TGFB2: variants seen among roughly 807,000 people sequenced by gnomAD.
The protein encoded by TGFB2 is transforming growth factor beta 2, also known as transforming growth factor beta-2 proprotein.
Under a neutral mutation model 42.7 loss-of-function variants are expected in TGFB2, and 13 were observed. That is an observed-to-expected ratio of 0.30 (90% CI 0.20 to 0.48). The LOEUF (loss-of-function observed/expected upper bound fraction) is 0.48, where lower values mean the gene tolerates loss of function less well. Ranked by LOEUF, TGFB2 falls within the 20% of genes least tolerant of loss-of-function variation. The probability of loss-of-function intolerance (pLI) is 0.99; values close to 1 mark genes in which losing one functional copy is unlikely to be tolerated. For missense variants in TGFB2, 390 were observed against 517.5 expected (o/e 0.75, Z 2.39); for synonymous variants, 193 against 193.6 (o/e 1.00, Z 0.03).
At chr1:218,401,396 G>A (rs1377399980) in intron 1 of TGFB2, among the ~76,000 whole-genome samples, 3 of 152,056 alleles carry the variant, frequency 2.0e-5, no homozygotes, top group Non-Finnish European at 4.4e-5. Flanking sequence ...TTGAGGTGAG[G>A]GGGACACCAC....
intron 2 of TGFB2, among the ~76,000 whole-genome samples, chr1:218,406,294 G>A (rs532880281): frequency 3.3e-4 from 50 of 151,950 alleles, no homozygotes; most frequent in Non-Finnish European, 4.7e-4. Flanking sequence ...GGGCAGCTGC[G>A]TCAAAATGTA....
intron 2 of TGFB2, among the ~76,000 whole-genome samples, chr1:218,428,876 G>C (rs529569676): frequency 6.6e-6 from 1 of 151,830 alleles, no homozygotes; most frequent in South Asian, 2.1e-4. Context: ...TGTGAAGAAA[G>C]CCACTGGTAG....
intron 2 of TGFB2, among the ~76,000 whole-genome samples, chr1:218,405,992 AC>A (rs1193089196): frequency 6.6e-6 from 1 of 152,090 alleles, no homozygotes; most frequent in Non-Finnish European, 1.5e-5. Context: ...TTCCTGGGGA[AC>A]AGTCAGTTGA....
chr1:218,439,542 C>T (rs1427689770), intron 6 of TGFB2, among the ~76,000 whole-genome samples: 3 of 152,142 alleles, frequency 2.0e-5, no homozygotes, highest in Non-Finnish European at 4.4e-5. Context: ...CCTACATATG[C>T]TGGAATTTAA....
intron 6 of TGFB2, 140 bp from the exon 7 acceptor site, chr1:218,441,064 A>G (rs969007896): frequency 1.4e-5 from 10 of 728,396 alleles, no homozygotes; most frequent in Non-Finnish European, 1.9e-5. Flanking sequence ...ACTGTAATTT[A>G]GGAAATTAGC....
chr1:218,393,223 A>G (rs1424199348), intron 1 of TGFB2, among the ~76,000 whole-genome samples: 2 of 152,192 alleles, frequency 1.3e-5, no homozygotes, highest in Non-Finnish European at 2.9e-5. Context: ...TTGTTGTGGG[A>G]TAAGAGTGCT....
At chr1:218,433,965 C>T in intron 2 of TGFB2, 117 bp from the exon 3 acceptor site, 1 of 1,364,630 alleles carries the variant, frequency 7.3e-7, no homozygotes, top group Non-Finnish European at 1.0e-6. Context: ...CAATGCATGG[C>T]TATACTACAG....
intron 2 of TGFB2, among the ~76,000 whole-genome samples, chr1:218,408,123 G>T (rs770822364): frequency 9.2e-5 from 14 of 152,112 alleles, no homozygotes; most frequent in Admixed American, 1.3e-4. Context: ...TTGGAGGCAG[G>T]GTCACCTAGG....
chr1:218,364,984 G>A (rs1398677200), intron 1 of TGFB2, among the ~76,000 whole-genome samples: 2 of 152,228 alleles, frequency 1.3e-5, no homozygotes, highest in South Asian at 4.1e-4. Context: ...AAAGGAAAAC[G>A]GGAGGGAATG....
intron 1 of TGFB2, among the ~76,000 whole-genome samples, chr1:218,382,107 GA>G (rs369727722): frequency 0.012 from 1,839 of 149,612 alleles, 39 homozygotes; most frequent in African/African-American, 0.04. Flanking sequence ...CAACTCAACT[GA>G]AAAAAAAAAT....
At chr1:218,416,460 C>A (rs1571885284) in intron 2 of TGFB2, among the ~76,000 whole-genome samples, 1 of 152,172 alleles carries the variant, frequency 6.6e-6, no homozygotes, top group South Asian at 2.1e-4. Context: ...AGCATACATA[C>A]TTGAGAATTC....
chr1:218,398,154 A>G (rs1658586148), intron 1 of TGFB2, among the ~76,000 whole-genome samples: 1 of 152,272 alleles, frequency 6.6e-6, no homozygotes, highest in Admixed American at 6.5e-5. Flanking sequence ...GTAGTCACAC[A>G]TTGGTTCTCA....
intron 2 of TGFB2, among the ~76,000 whole-genome samples, chr1:218,430,698 G>A (rs2102622561): frequency 6.6e-6 from 1 of 152,338 alleles, no homozygotes; most frequent in African/African-American, 2.4e-5. Flanking sequence ...TTCTTAGGAA[G>A]AAGATACCTT....
chr1:218,383,571 A>G (rs1658033538), intron 1 of TGFB2, among the ~76,000 whole-genome samples: 1 of 152,132 alleles, frequency 6.6e-6, no homozygotes, highest in African/African-American at 2.4e-5. Flanking sequence ...TCAGGTGTTC[A>G]TTGTCACACA....
intron 1 of TGFB2, among the ~76,000 whole-genome samples, chr1:218,379,938 C>T (rs1048154294): frequency 2.0e-5 from 3 of 152,276 alleles, no homozygotes; most frequent in African/African-American, 7.2e-5. Context: ...TCAATAATAA[C>T]AATAACAACA....
At chr1:218,437,585 G>A (rs878927110) in intron 6 of TGFB2, 89 bp downstream of exon 6, 157 of 1,386,484 alleles carry the variant, frequency 1.1e-4, no homozygotes, top group Non-Finnish European at 1.4e-4. Flanking sequence ...AATTAACCTC[G>A]TGCTGTCTTA....
At chr1:218,405,612 T>G (rs922007749) in intron 2 of TGFB2, 24 of 441,584 alleles carry the variant, frequency 5.4e-5, no homozygotes, top group African/African-American at 4.4e-4. Flanking sequence ...TAAGCAATCT[T>G]CCCACCTTGG....
chr1:218,416,811 C>T (rs1310203022), intron 2 of TGFB2, among the ~76,000 whole-genome samples: 4 of 152,100 alleles, frequency 2.6e-5, no homozygotes, highest in Non-Finnish European at 5.9e-5. Context: ...CAAGTCTTTC[C>T]CATGCTGCTC....
chr1:218,421,418 CTTAT>C (rs1386011492), intron 2 of TGFB2, among the ~76,000 whole-genome samples: 18 of 149,054 alleles, frequency 1.2e-4, no homozygotes, highest in African/African-American at 4.0e-4. Flanking sequence ...TGTTCAGGGG[CTTAT>C]TTGTCACTTG....
Sources: allele counts gnomAD v4.1 joint callset (sites outside exome capture counted in the v4.1 genomes callset), GRCh38; gene constraint gnomAD v4.1.1; transcripts MANE v1.5; gene names NCBI Gene and HGNC (gene_info 2026-07-23, HGNC 2026-07-21).